The following RBFOX2 variants were observed in gnomAD, a reference collection of about 807,000 sequenced individuals.
RBFOX2 encodes the protein RNA binding protein fox-1 homolog 2.
In RBFOX2, 10 loss-of-function variants were observed where a neutral mutation model predicts 49.1. That is an observed-to-expected ratio of 0.20 (90% CI 0.13 to 0.35). The LOEUF is 0.35. RBFOX2 is among the 10% of genes least tolerant of loss of function. The pLI is 1.00. For synonymous variants in RBFOX2, 183 were observed against 187.4 expected (o/e 0.98, Z 0.19); for missense variants, 323 against 486.9 (o/e 0.66, Z 3.17).
At chr22:35,775,871 A>C (rs1214151208) in intron 4 of RBFOX2, among the ~76,000 whole-genome samples, 2 of 151,348 alleles carry the variant, frequency 1.3e-5, no homozygotes, top group Admixed American at 1.3e-4. Flanking sequence ...AGAAAAGAAA[A>C]GAAAAGAAAA....
intron 2 of RBFOX2, among the ~76,000 whole-genome samples, chr22:35,794,041 G>A (rs1380733422): frequency 4.6e-5 from 7 of 152,126 alleles, no homozygotes; most frequent in African/African-American, 1.7e-4. Context: ...TATAAATAGT[G>A]ACATGCACAC....
At chr22:35,905,656 AT>A (rs1873480827) in intron 1 of RBFOX2, among the ~76,000 whole-genome samples, 1 of 152,206 alleles carries the variant, frequency 6.6e-6, no homozygotes, top group Non-Finnish European at 1.5e-5. Context: ...CAGAGCAGGT[AT>A]AGATATGTAA....
Position 35,744,266 on chromosome 22 carries a change from G to C in RBFOX2, c.1050-17C>G, listed in dbSNP as rs1555953895. ...TAAACTCGCCTGCAGTAATTAAAGA[G>C]ATAAAAATAATTAAAAGGTTGATGA... On this transcript the variant is annotated splice_polypyrimidine_tract_variant and intron_variant, in intron 11 of 11. Coordinates refer to ENST00000405409, the Ensembl canonical transcript of RBFOX2. 6.2e-6 allele frequency: 10 copies of C among 1,603,836 alleles called. No homozygotes were observed. The South Asian group carries it at 1.0e-4, about 16-fold the overall frequency.
chr22:36,017,420 C>T (rs777467283), intron 1 of RBFOX2, among the ~76,000 whole-genome samples: 28 of 151,864 alleles, frequency 1.8e-4, no homozygotes, highest in Admixed American at 4.6e-4. Flanking sequence ...CCCAGCTACT[C>T]GGGAGGCTGA....
intron 1 of RBFOX2, among the ~76,000 whole-genome samples, 184 bp from the exon 3 acceptor site, chr22:35,810,188 GACAC>G (rs58254412): frequency 0.08 from 11,432 of 142,020 alleles, 666 homozygotes; most frequent in African/African-American, 0.17. Context: ...TATGTGGACA[GACAC>G]ACACACACAC....
At chr22:35,766,933 G>A (rs556003526) in intron 5 of RBFOX2, among the ~76,000 whole-genome samples, 2 of 152,154 alleles carry the variant, frequency 1.3e-5, no homozygotes, top group African/African-American at 2.4e-5. Flanking sequence ...CGGAAAAAGA[G>A]AGTAAGGTAG....
intron 1 of RBFOX2, among the ~76,000 whole-genome samples, chr22:35,956,781 A>G (rs2055609498): frequency 1.3e-5 from 2 of 152,226 alleles, no homozygotes; most frequent in Admixed American, 6.5e-5. Context: ...GTTTTCCTTT[A>G]GATAACTGTC....
intron 1 of RBFOX2, among the ~76,000 whole-genome samples, chr22:36,009,800 T>C (rs1365600260): frequency 1.3e-5 from 2 of 152,194 alleles, no homozygotes; most frequent in Non-Finnish European, 2.9e-5. Flanking sequence ...CTTTCACATA[T>C]ATTCTGTGAC....
intron 1 of RBFOX2, among the ~76,000 whole-genome samples, chr22:35,893,751 C>T (rs2047523261): frequency 6.6e-6 from 1 of 152,218 alleles, no homozygotes. Context: ...TGTGAACAAG[C>T]TCCATCTCTG....
chr22:35,907,298 T>C (rs573196895), intron 1 of RBFOX2, among the ~76,000 whole-genome samples: 47 of 152,354 alleles, frequency 3.1e-4, no homozygotes, highest in African/African-American at 1.1e-3. Flanking sequence ...TAATGAGATA[T>C]AAGCAGAAAT....
At chr22:35,973,093 T>C (rs1473931318) in intron 1 of RBFOX2, among the ~76,000 whole-genome samples, 3 of 152,186 alleles carry the variant, frequency 2.0e-5, no homozygotes, top group Admixed American at 6.5e-5. Flanking sequence ...AAGAAGTTTA[T>C]AATCTACAGG....
At chr22:35,905,724 G>T (rs931954586) in intron 1 of RBFOX2, among the ~76,000 whole-genome samples, 1 of 152,090 alleles carries the variant, frequency 6.6e-6, no homozygotes, top group Non-Finnish European at 1.5e-5. Context: ...GTGAAACACT[G>T]AACAGTATAG....
intron 1 of RBFOX2, among the ~76,000 whole-genome samples, chr22:35,866,599 G>T (rs1326188587): frequency 6.6e-6 from 1 of 152,218 alleles, no homozygotes; most frequent in South Asian, 2.1e-4. Flanking sequence ...CTCAAAGGTT[G>T]AAAGAAGCAA....
At chr22:35,977,722 CTATATATATATATATATATA>C (rs375088964) in intron 1 of RBFOX2, among the ~76,000 whole-genome samples, 74 of 80,876 alleles carry the variant, frequency 9.1e-4, no homozygotes, top group African/African-American at 2.9e-3. Context: ...CCTGAATGAA[CTATATATATATATATATATA>C]TATATATATA....
chr22:35,971,933 A>AAC (rs2056900365), intron 1 of RBFOX2, among the ~76,000 whole-genome samples: 1 of 150,940 alleles, frequency 6.6e-6, no homozygotes, highest in South Asian at 2.1e-4. Context: ...AAAAAAAAAA[A>AAC]AAAAACACTC....
chr22:35,796,655 C>T (rs1458571478), intron 2 of RBFOX2, among the ~76,000 whole-genome samples: 1 of 152,192 alleles, frequency 6.6e-6, no homozygotes, highest in Non-Finnish European at 1.5e-5. Context: ...CTAAAATCCA[C>T]TGGACAATCA....
intron 1 of RBFOX2, among the ~76,000 whole-genome samples, chr22:35,838,652 T>C (rs1958145393): frequency 1.3e-5 from 2 of 152,178 alleles, no homozygotes; most frequent in South Asian, 4.1e-4. Flanking sequence ...TCCACTTGGC[T>C]CTCATGGCAC....
intron 5 of RBFOX2, among the ~76,000 whole-genome samples, chr22:35,767,890 T>C (rs756474145): frequency 2.6e-5 from 4 of 152,120 alleles, no homozygotes; most frequent in Non-Finnish European, 5.9e-5. Flanking sequence ...CAATTTAACA[T>C]TAGTTTTGCT....
chr22:35,974,629 GT>G, intron 1 of RBFOX2, among the ~76,000 whole-genome samples: 1 of 152,142 alleles, frequency 6.6e-6, no homozygotes, highest in East Asian at 1.9e-4. Context: ...AGAGGTTGTG[GT>G]GAGCCGAGAT....
Sources: allele counts gnomAD v4.1 joint callset (sites outside exome capture counted in the v4.1 genomes callset), GRCh38; gene constraint gnomAD v4.1.1; transcripts MANE v1.5; gene names NCBI Gene and HGNC (gene_info 2026-07-23, HGNC 2026-07-21).